The following DIAPH2 variants were observed in gnomAD, a reference collection of about 807,000 sequenced individuals.
The protein encoded by DIAPH2 is protein diaphanous homolog 2.
DIAPH2 carries 35 observed loss-of-function variants against 92.7 expected under a neutral mutation model. That is an observed-to-expected ratio of 0.38 (90% CI 0.29 to 0.50). The LOEUF (loss-of-function observed/expected upper bound fraction) is 0.50. DIAPH2 is among the 20% of genes least tolerant of loss of function. The pLI, the probability that DIAPH2 is intolerant of heterozygous loss-of-function variation, is 0.94. For missense variants in DIAPH2, 701 were observed against 819.5 expected (o/e 0.86, Z 1.77); for synonymous variants, 301 against 280.4 (o/e 1.07, Z -0.73).
chrX:96,849,368 G>C (rs932820749), intron 4 of DIAPH2, among the ~76,000 whole-genome samples: 4 of 111,216 alleles, frequency 3.6e-5, no homozygotes, highest in Non-Finnish European at 5.7e-5. Context: ...GTTTCGCCAC[G>C]TTGACCAGGC....
intron 26 of DIAPH2, among the ~76,000 whole-genome samples, chrX:97,470,226 C>A (rs1313592039): frequency 9.0e-6 from 1 of 111,714 alleles, no homozygotes; most frequent in Non-Finnish European, 1.9e-5. Context: ...CATACACACA[C>A]ACATACATAT....
At chrX:97,300,861 G>A (rs1266388188) in intron 23 of DIAPH2, among the ~76,000 whole-genome samples, 2 of 96,069 alleles carry the variant, frequency 2.1e-5, no homozygotes, top group Non-Finnish European at 4.1e-5. Context: ...GAACCCGGGA[G>A]GCGGAGGTTG....
In DIAPH2 at chrX:97,464,627, CAG is replaced by C. The variant is rs1158766397; in HGVS notation, c.3241+34886_3241+34887del. Among the ~76,000 whole-genome samples the C allele has an allele frequency of 4.5e-5, 5 of 111,316 alleles. No individual in the cohort carries two copies. The Admixed American group carries it at 4.8e-4, about 11-fold the overall frequency. On this transcript the variant is annotated intron_variant, in intron 26 of 26. Coordinates refer to ENST00000324765, the MANE Select transcript of DIAPH2 (RefSeq NM_006729.5). ...TCATTCTGTGGCCAATCAGCCAGAG[CAG>C]AGATAAGATCACATGGTGATAGGAC...
intron 22 of DIAPH2, among the ~76,000 whole-genome samples, chrX:97,183,969 A>T (rs1269267291): frequency 2.7e-5 from 3 of 112,527 alleles, no homozygotes; most frequent in African/African-American, 9.7e-5. Flanking sequence ...GCTTCTGTTG[A>T]TATGTAGTGC....
chrX:97,296,483 A>G (rs772652025), intron 23 of DIAPH2, among the ~76,000 whole-genome samples: 13 of 111,856 alleles, frequency 1.2e-4, no homozygotes, highest in African/African-American at 4.2e-4. Flanking sequence ...ACATATAGCT[A>G]TTGTATATGT....
At chrX:96,828,302 A>G (rs761679427) in intron 4 of DIAPH2, among the ~76,000 whole-genome samples, 2 of 111,370 alleles carry the variant, frequency 1.8e-5, no homozygotes, top group Non-Finnish European at 3.8e-5. Context: ...CTCTTAATGG[A>G]TCAGCTCATT....
At chrX:96,802,070 C>G (rs987961909) in intron 4 of DIAPH2, among the ~76,000 whole-genome samples, 16 of 112,054 alleles carry the variant, frequency 1.4e-4, no homozygotes, top group African/African-American at 4.9e-4. Context: ...TGACTTGGAA[C>G]AGTACAGTTT....
At position 96,945,516 on chromosome X, in the gene DIAPH2, G is replaced by A. The variant is rs1229224351; in HGVS notation, c.1445-11G>A. On this transcript the variant is annotated splice_polypyrimidine_tract_variant and intron_variant, in intron 13 of 26. Coordinates refer to ENST00000324765, the MANE Select transcript of DIAPH2 (RefSeq NM_006729.5). ...CCATAATTTCGAATCACTTTTGTTT[G>A]ATCTTAATAGATTCTTGTGTGAACA... 4.3e-6 allele frequency: 5 copies of A among 1,163,658 alleles called. No individual in the cohort carries two copies. The Admixed American group carries it at 8.4e-5, about 19-fold the overall frequency.
intron 24 of DIAPH2, among the ~76,000 whole-genome samples, chrX:97,367,397 A>C (rs2069390873): frequency 8.9e-6 from 1 of 111,950 alleles, no homozygotes; most frequent in African/African-American, 3.2e-5. Context: ...CCAGAATGCA[A>C]TCACTACTAT....
chrX:96,702,584 A>AT (rs1209254186), intron 1 of DIAPH2, among the ~76,000 whole-genome samples: 1 of 112,056 alleles, frequency 8.9e-6, no homozygotes, highest in Non-Finnish European at 1.9e-5. Flanking sequence ...AAGTGCAGAG[A>AT]TTTTTTTTAA....
At chrX:97,323,898 T>A (rs1192395784) in intron 23 of DIAPH2, among the ~76,000 whole-genome samples, 1 of 90,894 alleles carries the variant, frequency 1.1e-5, no homozygotes. Flanking sequence ...AGCGAAACTC[T>A]GTCTCAAAAA....
At chrX:97,428,367 A>G (rs949607662) in intron 25 of DIAPH2, among the ~76,000 whole-genome samples, 1 of 110,169 alleles carries the variant, frequency 9.1e-6, no homozygotes, top group African/African-American at 3.3e-5. Flanking sequence ...TGTCTCTACT[A>G]AAAATACAAA....
chrX:97,022,590 ATACT>A (rs1488470842), intron 17 of DIAPH2, among the ~76,000 whole-genome samples: 2 of 112,275 alleles, frequency 1.8e-5, no homozygotes, highest in African/African-American at 3.2e-5. Flanking sequence ...TATAAAATTA[ATACT>A]TAGTTGTGGA....
At chrX:97,449,560 G>C in intron 26 of DIAPH2, 2 of 312,131 alleles carry the variant, frequency 6.4e-6, no homozygotes, top group Non-Finnish European at 8.5e-6. Context: ...TGAAACTACC[G>C]ATGGTCATTC....
At chrX:97,125,651 C>T (rs997985617) in intron 21 of DIAPH2, among the ~76,000 whole-genome samples, 2 of 110,229 alleles carry the variant, frequency 1.8e-5, no homozygotes, top group African/African-American at 6.6e-5. Context: ...GTTTTTGACT[C>T]ATTAAATACA....
At chrX:96,937,705 T>C (rs1490771220) in intron 11 of DIAPH2, among the ~76,000 whole-genome samples, 5 of 112,111 alleles carry the variant, frequency 4.5e-5, no homozygotes, top group African/African-American at 1.3e-4. Context: ...GAAATACTTA[T>C]TCAGTTTATT....
chrX:97,220,026 G>T (rs1424034458), intron 22 of DIAPH2, among the ~76,000 whole-genome samples: 1 of 111,832 alleles, frequency 8.9e-6, no homozygotes, highest in Non-Finnish European at 1.9e-5. Flanking sequence ...TGATAGGAAT[G>T]GGGGGATAGT....
At chrX:96,734,458 A>G (rs1177489223) in intron 1 of DIAPH2, among the ~76,000 whole-genome samples, 1 of 112,035 alleles carries the variant, frequency 8.9e-6, no homozygotes, top group Non-Finnish European at 1.9e-5. Context: ...TGTTTAAAAC[A>G]GTTTTCTATA....
rs1394277266 is a variant in DIAPH2, at chrX:97,603,434, T to C, written c.*4117T>C. 1.8e-5 allele frequency: 2 copies of C among 110,452 alleles called. No homozygotes were observed. The highest frequency in any genetic ancestry group is 6.6e-5 in the African/African-American group (2 of 30,315). 9.1% of individuals were successfully genotyped at this position (110,452 alleles called of 1,213,427 possible). ...CACCATGCCTGGCTAATTTTTTGCATTTTTTTGTAGAGACTTGATCTTGCT... is the reference window on the plus strand; with the variant it reads ...CACCATGCCTGGCTAATTTTTTGCACTTTTTTGTAGAGACTTGATCTTGCT... On this transcript the variant is annotated 3_prime_UTR_variant, in exon 27 of 27. Coordinates refer to ENST00000324765, the MANE Select transcript of DIAPH2 (RefSeq NM_006729.5).
Sources: allele counts gnomAD v4.1 joint callset (sites outside exome capture counted in the v4.1 genomes callset), GRCh38; gene constraint gnomAD v4.1.1; transcripts MANE v1.5; gene names NCBI Gene and HGNC (gene_info 2026-07-23, HGNC 2026-07-21).